Variants in ARHGAP15 observed in about 807,000 individuals in gnomAD.
The protein encoded by ARHGAP15 is Rho GTPase activating protein 15.
Under a neutral mutation model 63.7 loss-of-function variants are expected in ARHGAP15, and 51 were observed. The ratio of observed to expected loss-of-function variants is 0.80; its 90% CI spans 0.64 to 1.01. ARHGAP15 has a LOEUF of 1.01. Ranked by LOEUF, ARHGAP15 falls within the 50% of genes least tolerant of loss-of-function variation. The pLI, the probability that ARHGAP15 is intolerant of heterozygous loss-of-function variation, is 0.00. For synonymous variants in ARHGAP15, 191 were observed against 193.8 expected, an observed-to-expected ratio of 0.99 and a Z score of 0.12; for missense variants, 560 against 564.6, an observed-to-expected ratio of 0.99 and a Z score of 0.08.
intron 12 of ARHGAP15, among the ~76,000 whole-genome samples, chr2:143,644,512 A>G (rs890311791): frequency 6.6e-6 from 1 of 152,052 alleles, no homozygotes; most frequent in Non-Finnish European, 1.5e-5. Context: ...GGCCCTTCTA[A>G]TCTTCTTCAG....
intron 11 of ARHGAP15, among the ~76,000 whole-genome samples, chr2:143,609,950 C>T (rs886101700): frequency 6.6e-6 from 1 of 152,130 alleles, no homozygotes; most frequent in Non-Finnish European, 1.5e-5. Flanking sequence ...CTGGGATAAA[C>T]AATCTTCCTT....
intron 6 of ARHGAP15, among the ~76,000 whole-genome samples, chr2:143,398,348 C>T (rs1687859614): frequency 6.6e-6 from 1 of 152,132 alleles, no homozygotes; most frequent in Admixed American, 6.6e-5. Flanking sequence ...AAGCTTTCAG[C>T]TTTGAGCTTT....
chr2:143,590,029 T>C (rs1231703336), intron 11 of ARHGAP15, among the ~76,000 whole-genome samples: 1 of 152,138 alleles, frequency 6.6e-6, no homozygotes, highest in Non-Finnish European at 1.5e-5. Flanking sequence ...TCAGTGAAGA[T>C]AGTAAGGATT....
rs70982870 is a variant in ARHGAP15 at position 143,468,663 on chromosome 2, A to AGTGTGT, written c.704-18691_704-18686dup. Among the ~76,000 whole-genome samples, 489 of 136,300 alleles carry AGTGTGT rather than the reference A, an allele frequency of 3.6e-3. 3 individuals are homozygous for AGTGTGT. Among genetic ancestry groups the AGTGTGT allele is most frequent in the African/African-American group, 8.5e-3 (312 of 36,628 alleles). The allele number at this position is 136,300 out of a possible 152,430, so 89.4% of individuals were successfully genotyped here. ...GAGAGAGAGAGAGAGAGAGAGAGAG[A>AGTGTGT]GTGTGTGTGTGTGTGTGTGTGTGTT... On this transcript the variant is annotated intron_variant, in intron 8 of 13. Transcript: ENST00000295095.
chr2:143,468,012 T>A (rs1463899822), intron 8 of ARHGAP15, among the ~76,000 whole-genome samples: 3 of 152,156 alleles, frequency 2.0e-5, no homozygotes, highest in African/African-American at 7.2e-5. Context: ...TTTAAGTTCA[T>A]GTTTATTAGA....
intron 6 of ARHGAP15, among the ~76,000 whole-genome samples, chr2:143,409,960 C>G (rs899111137): frequency 5.3e-5 from 8 of 151,908 alleles, no homozygotes; most frequent in Non-Finnish European, 8.8e-5. Flanking sequence ...GTAGGAGCAC[C>G]CTTTCTTCCC....
intron 13 of ARHGAP15, among the ~76,000 whole-genome samples, chr2:143,750,260 T>G (rs1472050528): frequency 6.6e-6 from 1 of 152,096 alleles, no homozygotes; most frequent in African/African-American, 2.4e-5. Flanking sequence ...GCCAACATGG[T>G]GAAACCCCAT....
At chr2:143,686,383 C>CAAAAAAA (rs35554349) in intron 12 of ARHGAP15, among the ~76,000 whole-genome samples, 2 of 55,076 alleles carry the variant, frequency 3.6e-5, no homozygotes, top group African/African-American at 8.3e-5. Flanking sequence ...GACTCTGTCT[C>CAAAAAAA]AAAAAAAAAA....
At chr2:143,233,654 T>G (rs2104925073) in intron 5 of ARHGAP15, among the ~76,000 whole-genome samples, 1 of 150,550 alleles carries the variant, frequency 6.6e-6, no homozygotes, top group South Asian at 2.1e-4. Context: ...ATCTTTTTTT[T>G]TTTTTTTTTT....
intron 6 of ARHGAP15, among the ~76,000 whole-genome samples, chr2:143,373,264 G>A (rs180816608): frequency 7.0e-4 from 107 of 152,230 alleles, no homozygotes; most frequent in African/African-American, 2.5e-3. Flanking sequence ...AGTATTGGCA[G>A]AACCAGGACT....
chr2:143,514,472 T>C (rs1296994024), intron 9 of ARHGAP15, among the ~76,000 whole-genome samples: 1 of 152,222 alleles, frequency 6.6e-6, no homozygotes, highest in Non-Finnish European at 1.5e-5. Context: ...TTAGCAAATT[T>C]AGAACTTTTT....
At chr2:143,604,065 G>A (rs892077791) in intron 11 of ARHGAP15, among the ~76,000 whole-genome samples, 2 of 152,108 alleles carry the variant, frequency 1.3e-5, no homozygotes, top group African/African-American at 2.4e-5. Context: ...ATTAGACTAC[G>A]AAATAATCTC....
intron 6 of ARHGAP15, among the ~76,000 whole-genome samples, chr2:143,307,456 T>C (rs1178208320): frequency 2.0e-5 from 3 of 152,134 alleles, no homozygotes; most frequent in Non-Finnish European, 4.4e-5. Context: ...TTTGGCAATA[T>C]GGATAAGTTT....
intron 5 of ARHGAP15, among the ~76,000 whole-genome samples, chr2:143,231,442 CAG>C (rs1047686764): frequency 3.9e-5 from 6 of 152,158 alleles, no homozygotes; most frequent in African/African-American, 1.4e-4. Flanking sequence ...AATGCTGTCT[CAG>C]AGCAATGACT....
At chr2:143,170,247 T>C (rs934537957) in intron 2 of ARHGAP15, among the ~76,000 whole-genome samples, 2 of 152,138 alleles carry the variant, frequency 1.3e-5, no homozygotes, top group Admixed American at 6.6e-5. Context: ...CAATGTCTGC[T>C]GACTTCCATC....
intron 8 of ARHGAP15, among the ~76,000 whole-genome samples, chr2:143,485,158 G>A (rs1449696713): frequency 4.6e-5 from 7 of 152,284 alleles, no homozygotes; most frequent in African/African-American, 1.7e-4. Context: ...ATGTGCCATG[G>A]TGGTTTGCTG....
intron 8 of ARHGAP15, among the ~76,000 whole-genome samples, chr2:143,441,127 A>G (rs1689859753): frequency 6.6e-6 from 1 of 152,066 alleles, no homozygotes; most frequent in African/African-American, 2.4e-5. Context: ...CATGTCCCCA[A>G]GCAGATAGCA....
At chr2:143,726,865 A>G (rs1396863227) in intron 13 of ARHGAP15, among the ~76,000 whole-genome samples, 1 of 152,162 alleles carries the variant, frequency 6.6e-6, no homozygotes, top group Non-Finnish European at 1.5e-5. Context: ...AAGACCACCT[A>G]CTTTGTTTGC....
At chr2:143,211,009 A>G (rs1230082703) in intron 3 of ARHGAP15, among the ~76,000 whole-genome samples, 5 of 152,190 alleles carry the variant, frequency 3.3e-5, no homozygotes, top group African/African-American at 1.2e-4. Context: ...GCAGTTCTAA[A>G]ATTAAGACTT....
Sources: allele counts gnomAD v4.1 joint callset (sites outside exome capture counted in the v4.1 genomes callset), GRCh38; gene constraint gnomAD v4.1.1; transcripts MANE v1.5; gene names NCBI Gene and HGNC (gene_info 2026-07-23, HGNC 2026-07-21).